Variants in PCSK5 observed in about 807,000 individuals in gnomAD.
PCSK5 encodes prohormone convertase 5.
Under a neutral mutation model 233.2 loss-of-function variants are expected in PCSK5, and 129 were observed. That is an observed-to-expected ratio of 0.55 (90% CI 0.48 to 0.64). The LOEUF (loss-of-function observed/expected upper bound fraction) is 0.64. Ranked by LOEUF, PCSK5 falls within the 30% of genes least tolerant of loss-of-function variation. The pLI, the probability that PCSK5 is intolerant of heterozygous loss-of-function variation, is 0.00. For synonymous variants in PCSK5, 825 were observed against 879.2 expected (o/e 0.94, Z 1.09); for missense variants, 2,076 against 2,430.1 (o/e 0.85, Z 3.06).
At chr9:76,254,578 A>G (rs1188615699) in intron 24 of PCSK5, among the ~76,000 whole-genome samples, 1 of 152,172 alleles carries the variant, frequency 6.6e-6, no homozygotes, top group Non-Finnish European at 1.5e-5. Flanking sequence ...AATGCCTTAT[A>G]GTCAATAGGT....
chr9:76,052,842 A>G (rs1050371649), intron 5 of PCSK5, among the ~76,000 whole-genome samples: 2 of 152,196 alleles, frequency 1.3e-5, no homozygotes, highest in African/African-American at 4.8e-5. Flanking sequence ...TACTTCCTAG[A>G]TAGAATGGGG....
intron 32 of PCSK5, among the ~76,000 whole-genome samples, chr9:76,326,405 C>A (rs925605751): frequency 2.7e-5 from 4 of 150,108 alleles, no homozygotes; most frequent in Non-Finnish European, 5.9e-5. Flanking sequence ...AAAAAAAAAT[C>A]TGTAAGCAGG....
intron 2 of PCSK5, among the ~76,000 whole-genome samples, chr9:75,937,588 C>A (rs1824114413): frequency 1.3e-5 from 2 of 152,186 alleles, no homozygotes; most frequent in South Asian, 4.1e-4. Flanking sequence ...GAGAGGTATC[C>A]TATCCTTTGA....
intron 7 of PCSK5, among the ~76,000 whole-genome samples, chr9:76,074,920 T>G (rs1486505628): frequency 1.3e-5 from 2 of 151,996 alleles, no homozygotes; most frequent in African/African-American, 2.4e-5. Context: ...TGGGGTAGAT[T>G]AAAAATAATA....
intron 30 of PCSK5, among the ~76,000 whole-genome samples, chr9:76,317,336 C>G (rs957147723): frequency 6.6e-6 from 1 of 152,192 alleles, no homozygotes; most frequent in Admixed American, 6.5e-5. Context: ...GCACTTCAGC[C>G]TGGGTGACAG....
chr9:76,074,631 T>C (rs1217321453), intron 7 of PCSK5, among the ~76,000 whole-genome samples: 2 of 152,194 alleles, frequency 1.3e-5, no homozygotes, highest in Admixed American at 1.3e-4. Context: ...TTTACTTCTC[T>C]CTAACCTTAT....
chr9:76,053,620 CATA>C (rs1206829781), intron 5 of PCSK5, among the ~76,000 whole-genome samples: 2 of 152,190 alleles, frequency 1.3e-5, no homozygotes. Context: ...TTTCTTAAAG[CATA>C]ATGAGTCACC....
intron 5 of PCSK5, among the ~76,000 whole-genome samples, chr9:76,039,809 CTT>C (rs1292501058): frequency 6.6e-6 from 1 of 152,146 alleles, no homozygotes; most frequent in Non-Finnish European, 1.5e-5. Flanking sequence ...TCCAAAAAAA[CTT>C]TGGCTGCTTT....
chr9:76,021,535 A>G (rs1484507738), intron 3 of PCSK5, among the ~76,000 whole-genome samples: 1 of 152,122 alleles, frequency 6.6e-6, no homozygotes, highest in Non-Finnish European at 1.5e-5. Context: ...TCAGGGCCTC[A>G]GGTGCCAGAA....
chr9:76,219,731 G>T (rs972199110), intron 20 of PCSK5, among the ~76,000 whole-genome samples: 2 of 152,206 alleles, frequency 1.3e-5, no homozygotes, highest in Middle Eastern at 3.2e-3. Context: ...TGCATCTCAT[G>T]TGGAGAGAGG....
At chr9:76,208,907 C>T (rs1410187658) in intron 20 of PCSK5, among the ~76,000 whole-genome samples, 1 of 152,126 alleles carries the variant, frequency 6.6e-6, no homozygotes, top group Non-Finnish European at 1.5e-5. Flanking sequence ...TTCACTTTAC[C>T]TCCTGAAACT....
rs112576562 is a variant in PCSK5 at position 76,122,448 on chromosome 9, A to G, written c.1209-11661A>G. ...TCACTTGCTGTTTGATAGAATGACA[A>G]TTGAGTAAAGTACTGTTAAGTGTTA... On this transcript the variant is annotated intron_variant, in intron 9 of 37. Coordinates refer to ENST00000674117, the MANE Select transcript of PCSK5 (RefSeq NM_001372043.1). 1.2e-3 allele frequency among the ~76,000 whole-genome samples: 182 copies of G among 152,312 alleles called. 1 individual carries two copies. The highest frequency in any genetic ancestry group is 4.3e-3 in the African/African-American group (178 of 41,580).
intron 5 of PCSK5, among the ~76,000 whole-genome samples, chr9:76,029,288 C>T (rs1207722801): frequency 1.3e-5 from 2 of 151,996 alleles, no homozygotes; most frequent in African/African-American, 4.8e-5. Context: ...AGTGCAATTC[C>T]CAGTTTTAAA....
chr9:76,050,083 A>C (rs1022294403), intron 5 of PCSK5, among the ~76,000 whole-genome samples: 1 of 152,186 alleles, frequency 6.6e-6, no homozygotes, highest in Non-Finnish European at 1.5e-5. Flanking sequence ...GTGAATAATC[A>C]CATTCTTAGC....
At chr9:75,912,468 T>C (rs1279486616) in intron 1 of PCSK5, among the ~76,000 whole-genome samples, 1 of 152,162 alleles carries the variant, frequency 6.6e-6, no homozygotes, top group Non-Finnish European at 1.5e-5. Context: ...GGGGATCCTG[T>C]TAAAATGTGG....
At chr9:76,117,786 T>G (rs1221326086) in intron 9 of PCSK5, among the ~76,000 whole-genome samples, 1 of 152,148 alleles carries the variant, frequency 6.6e-6, no homozygotes, top group African/African-American at 2.4e-5. Context: ...CAGTGAGCAC[T>G]CGAATTTATT....
chr9:76,311,546 G>T (rs549702499), intron 30 of PCSK5, among the ~76,000 whole-genome samples: 2 of 152,112 alleles, frequency 1.3e-5, no homozygotes, highest in African/African-American at 4.8e-5. Context: ...TTGGTCCCCT[G>T]GTTTGTAGTT....
At chr9:76,017,693 A>T (rs1828004441) in intron 3 of PCSK5, among the ~76,000 whole-genome samples, 1 of 152,158 alleles carries the variant, frequency 6.6e-6, no homozygotes, top group Admixed American at 6.5e-5. Flanking sequence ...CTGAATAATC[A>T]TCCTCTGAAT....
intron 20 of PCSK5, among the ~76,000 whole-genome samples, chr9:76,210,590 T>G (rs1825292825): frequency 6.6e-6 from 1 of 152,192 alleles, no homozygotes; most frequent in South Asian, 2.1e-4. Context: ...AAGGGCCAAA[T>G]TTTTAAGGCT....
Sources: allele counts gnomAD v4.1 joint callset (sites outside exome capture counted in the v4.1 genomes callset), GRCh38; gene constraint gnomAD v4.1.1; transcripts MANE v1.5; gene names NCBI Gene and HGNC (gene_info 2026-07-23, HGNC 2026-07-21).